Variants in ACOT7 observed in about 807,000 individuals in gnomAD.
ACOT7 encodes acyl-CoA thioesterase 7.
Under a neutral mutation model 40.2 loss-of-function variants are expected in ACOT7, and 12 were observed. The ratio of observed to expected loss-of-function variants is 0.30; its 90% confidence interval spans 0.19 to 0.48. The LOEUF (loss-of-function observed/expected upper bound fraction) is 0.48. ACOT7 is among the 20% of genes least tolerant of loss of function. ACOT7 has a pLI of 0.99. For missense variants in ACOT7, 395 were observed against 530.8 expected, an observed-to-expected ratio of 0.74 and a Z score of 2.51; for synonymous variants, 228 against 219.5, an observed-to-expected ratio of 1.04 and a Z score of -0.34.
In ACOT7 at chr1:6,282,247, A is replaced by G. The variant is rs1639378190; in HGVS notation, c.830-961T>C. ...ATCTCAGGGAGCTCAGCTCTTCCCT[A>G]TAGGCAGGCATGAGACACCCTGCCT... On this transcript the variant is annotated intron_variant, in intron 7 of 8. Transcript: ENST00000361521. The surrounding 1 kb of genome is among the most constrained non-coding windows in gnomAD (Gnocchi z 4.5). Among the ~76,000 whole-genome samples the G allele has an allele frequency of 6.6e-6, 1 of 152,096 alleles. No individual in the cohort carries two copies. Among genetic ancestry groups the G allele is most frequent in the African/African-American group, 2.4e-5 (1 of 41,408 alleles).
intron 5 of ACOT7, among the ~76,000 whole-genome samples, chr1:6,319,122 T>G (rs1383156950): frequency 2.0e-5 from 3 of 152,198 alleles, no homozygotes; most frequent in Non-Finnish European, 4.4e-5. Context: ...GCACTGCTCC[T>G]GAAATATCTT....
intron 3 of ACOT7, 102 bp from the exon 4 acceptor site, chr1:6,333,670 C>T (rs1376944265): frequency 2.9e-5 from 33 of 1,120,562 alleles, no homozygotes; most frequent in South Asian, 2.6e-5. Context: ...GGTCCCAGTA[C>T]CTGAAACACA....
chr1:6,318,678 C>T (rs995570943), intron 5 of ACOT7, 100 bp from the exon 6 acceptor site: 34 of 1,188,116 alleles, frequency 2.9e-5, no homozygotes, highest in Admixed American at 1.8e-4. Flanking sequence ...ACACAGTCAA[C>T]GAAGGCGTCC....
chr1:6,379,948 C>T (rs1016918680), intron 1 of ACOT7, among the ~76,000 whole-genome samples: 1 of 151,658 alleles, frequency 6.6e-6, no homozygotes, highest in African/African-American at 2.4e-5. Flanking sequence ...CACCTGTAGT[C>T]CTAGCTCCTT....
intron 6 of ACOT7, among the ~76,000 whole-genome samples, chr1:6,313,644 T>C (rs908686991): frequency 1.3e-5 from 2 of 152,114 alleles, no homozygotes; most frequent in African/African-American, 4.8e-5. Flanking sequence ...ATTTTCAATA[T>C]GCCCTCCACC....
At chr1:6,365,995 A>G (rs1557669585) in intron 1 of ACOT7, among the ~76,000 whole-genome samples, 1 of 151,610 alleles carries the variant, frequency 6.6e-6, no homozygotes, top group Non-Finnish European at 1.5e-5. Flanking sequence ...CCCGGGTTCA[A>G]GTGGTTCTCC....
chr1:6,358,267 AG>A lies in ACOT7; in HGVS notation c.144-8402del, dbSNP rs1641802994. ...CATCTCCAGAAGAGGGAAGGGTGGGAGGAAGGGCTGTGCCAAGGAAAGTTCC... is the reference window on the plus strand; with the variant it reads ...CATCTCCAGAAGAGGGAAGGGTGGGAGAAGGGCTGTGCCAAGGAAAGTTCC... On this transcript the variant is annotated intron_variant, in intron 1 of 8. Coordinates refer to ENST00000361521, the MANE Select transcript of ACOT7 (RefSeq NM_007274.4). This position sits in a 1 kb window ranked among gnomAD's most constrained non-coding sequence, Gnocchi z 4.1. Among the ~76,000 whole-genome samples, 1 of 152,084 alleles carries A rather than the reference AG, an allele frequency of 6.6e-6. No individual in the cohort carries two copies. Among genetic ancestry groups the A allele is most frequent in the African/African-American group, 2.4e-5 (1 of 41,428 alleles).
rs530189489 is a variant in ACOT7 at position 6,340,208 on chromosome 1, C to T, written c.262-619G>A. Among the ~76,000 whole-genome samples the T allele has an allele frequency of 3.5e-4, 53 of 152,168 alleles. 1 individual carries two copies. Among genetic ancestry groups the T allele is most frequent in the South Asian group, 8.3e-4 (4 of 4,818 alleles). On this transcript the variant is annotated intron_variant, in intron 2 of 8. Coordinates refer to ENST00000361521, the MANE Select transcript of ACOT7 (RefSeq NM_007274.4). ...GTCTCAATCTCCTGACCTCGTGATC[C>T]GCCCGCCTCGGCCTCCCAAAGTGCT...
At chr1:6,318,679 G>A (rs1026182790) in intron 5 of ACOT7, 101 bp from the exon 6 acceptor site, 13 of 1,187,698 alleles carry the variant, frequency 1.1e-5, no homozygotes, top group African/African-American at 1.5e-5. Context: ...CACAGTCAAC[G>A]AAGGCGTCCA....
intron 5 of ACOT7, among the ~76,000 whole-genome samples, chr1:6,325,049 C>T (rs1252913476): frequency 1.3e-5 from 2 of 152,246 alleles, no homozygotes; most frequent in Non-Finnish European, 2.9e-5. Context: ...CACGTGCCTC[C>T]AGGCCTGTCT....
At chr1:6,268,895 C>A (rs763301579) in intron 8 of ACOT7, among the ~76,000 whole-genome samples, 8 of 152,186 alleles carry the variant, frequency 5.3e-5, no homozygotes, top group Admixed American at 5.2e-4. Flanking sequence ...GCCCTCCAGC[C>A]GCCGAGGGCG....
chr1:6,392,822 C>T (rs1325815429), intron 1 of ACOT7, among the ~76,000 whole-genome samples: 1 of 152,148 alleles, frequency 6.6e-6, no homozygotes, highest in Non-Finnish European at 1.5e-5. Context: ...GCAGCACAAC[C>T]GCCGAGGTAA....
chr1:6,322,850 G>A (rs1399147250), intron 5 of ACOT7, among the ~76,000 whole-genome samples: 3 of 152,188 alleles, frequency 2.0e-5, no homozygotes, highest in African/African-American at 4.8e-5. Context: ...TGACACTGGG[G>A]CCGGGCGCAG....
At chr1:6,285,749 G>A (rs1258944396) in intron 7 of ACOT7, among the ~76,000 whole-genome samples, 2 of 151,456 alleles carry the variant, frequency 1.3e-5, no homozygotes, top group African/African-American at 2.4e-5. Flanking sequence ...CAGACCTGGC[G>A]TGTCACACGG....
At chr1:6,295,818 G>A (rs1639796982) in intron 6 of ACOT7, among the ~76,000 whole-genome samples, 2 of 152,164 alleles carry the variant, frequency 1.3e-5, no homozygotes, top group South Asian at 4.1e-4. Context: ...TCTCTTTGTA[G>A]GAGTAATGAC....
chr1:6,335,952 T>C (rs1641089594), intron 3 of ACOT7, among the ~76,000 whole-genome samples: 1 of 152,224 alleles, frequency 6.6e-6, no homozygotes, highest in Non-Finnish European at 1.5e-5. Context: ...CGAGTGGCCC[T>C]CTGGACCTAA....
chr1:6,326,566 A>G (rs976784671), intron 5 of ACOT7, among the ~76,000 whole-genome samples: 1 of 152,208 alleles, frequency 6.6e-6, no homozygotes, highest in Non-Finnish European at 1.5e-5. Flanking sequence ...GGGGCCGGGA[A>G]GAAGTGGCGC....
At chr1:6,307,331 G>A (rs1301469106) in intron 6 of ACOT7, among the ~76,000 whole-genome samples, 2 of 152,250 alleles carry the variant, frequency 1.3e-5, no homozygotes, top group Non-Finnish European at 2.9e-5. Context: ...TCCTTCCCAC[G>A]CAGGACCTTC....
At position 6,274,825 on chromosome 1, in the gene ACOT7, G is replaced by A. The variant is rs143321864; in HGVS notation, c.1014+6277C>T. 1.0e-3 allele frequency among the ~76,000 whole-genome samples: 157 copies of A among 152,270 alleles called. No individual in the cohort carries two copies. The highest frequency in any genetic ancestry group is 1.4e-3 in the Non-Finnish European group (94 of 68,016). On this transcript the variant is annotated intron_variant, in intron 8 of 8. Transcript: ENST00000361521. The surrounding 1 kb of genome is among the most constrained non-coding windows in gnomAD (Gnocchi z 5.9). ...TGGGCTGAGCGCGGTGTGGGTGGGC[G>A]GCGCAGTGCAGGTGGGCAGCGCGTT... is the stretch of plus-strand genomic sequence containing the variant.
Sources: gnomAD v4.1 joint callset for allele counts (sites outside exome capture counted in the v4.1 genomes callset) on GRCh38, gnomAD v4.1.1 for gene constraint, Gnocchi (gnomAD v3.1) non-coding constraint, MANE v1.5 for transcripts, NCBI Gene and HGNC (gene_info 2026-07-23, HGNC 2026-07-21) for gene names.